RFWD3: variants seen among roughly 807,000 people sequenced by gnomAD.
The protein encoded by RFWD3 is ring finger and WD repeat domain 3.
Under a neutral mutation model 87.7 loss-of-function variants are expected in RFWD3, and 65 were observed. That is an observed-to-expected ratio of 0.74 (90% CI 0.61 to 0.91). The LOEUF (loss-of-function observed/expected upper bound fraction) is 0.91. RFWD3 is among the 40% of genes least tolerant of loss of function. RFWD3 has a pLI of 0.00. For missense variants in RFWD3, 1,078 were observed against 938.5 expected (o/e 1.15, Z -1.94); for synonymous variants, 433 against 352.8 (o/e 1.23, Z -2.55).
At chr16:74,656,227 C>A (rs2144307841) in intron 2 of RFWD3, among the ~76,000 whole-genome samples, 1 of 149,628 alleles carries the variant, frequency 6.7e-6, no homozygotes, top group South Asian at 2.1e-4. Context: ...ATCACCTGAG[C>A]CCGGGGAGGT....
At chr16:74,657,478 CT>C (rs386385075) in intron 2 of RFWD3, among the ~76,000 whole-genome samples, 47 of 122,658 alleles carry the variant, frequency 3.8e-4, no homozygotes, top group Admixed American at 2.9e-4. Context: ...TTTTCTTTTT[CT>C]TTTTTTTTTT....
In RFWD3 at chr16:74,657,090, G is replaced by T. The variant is rs542735356; in HGVS notation, c.518+3842C>A. ...CACACTCTGCATTGCTCAGAGTCAA[G>T]AGTAGTCTTGCAAATGGGGTTTTCC... On this transcript the variant is annotated intron_variant, in intron 2 of 12. Transcript: ENST00000361070. 3.9e-5 allele frequency among the ~76,000 whole-genome samples: 6 copies of T among 152,294 alleles called. No individual in the cohort carries two copies. The South Asian group carries it at 1.2e-3, about 32-fold the overall frequency.
chr16:74,661,804 A>G (rs1234020254), intron 1 of RFWD3, among the ~76,000 whole-genome samples: 2 of 152,222 alleles, frequency 1.3e-5, no homozygotes, highest in Admixed American at 1.3e-4. Flanking sequence ...GAATATGGAC[A>G]TTCACCAAAA....
chr16:74,641,099 A>T (rs184243826), intron 6 of RFWD3, among the ~76,000 whole-genome samples: 1 of 152,336 alleles, frequency 6.6e-6, no homozygotes, highest in African/African-American at 2.4e-5. Flanking sequence ...ACCTCTCTGC[A>T]GCATGGCTAA....
At chr16:74,653,319 A>T (rs377611366) in intron 2 of RFWD3, among the ~76,000 whole-genome samples, 1 of 152,100 alleles carries the variant, frequency 6.6e-6, no homozygotes, top group Non-Finnish European at 1.5e-5. Context: ...CCTGGGTATC[A>T]GAGTGAGACT....
intron 6 of RFWD3, among the ~76,000 whole-genome samples, chr16:74,643,073 G>C (rs1318094615): frequency 1.3e-5 from 2 of 152,098 alleles, no homozygotes; most frequent in African/African-American, 4.8e-5. Flanking sequence ...GCATTGGTTG[G>C]ACCAAATGAG....
At chr16:74,648,114 T>C (rs1031960685) in intron 4 of RFWD3, among the ~76,000 whole-genome samples, 2 of 152,154 alleles carry the variant, frequency 1.3e-5, no homozygotes, top group African/African-American at 4.8e-5. Context: ...CTGGCGAATG[T>C]GCTTAATAAT....
rs776744870 is a variant in RFWD3 at position 74,644,469 on chromosome 16, G to A, written c.988-16C>T. 3.7e-6 allele frequency: 6 copies of A among 1,613,982 alleles called. No individual in the cohort carries two copies. In the Admixed American group the frequency reaches 8.3e-5, roughly 22 times the overall value. ...TCTTGTTGCACTAAAGAACCCAATA[G>A]GACATAATTAGAGTGGTTCTAGGAA... On this transcript the variant is annotated splice_polypyrimidine_tract_variant and intron_variant, in intron 5 of 12. Coordinates refer to ENST00000361070, the MANE Select transcript of RFWD3 (RefSeq NM_018124.4).
At chr16:74,631,000 C>G in intron 9 of RFWD3, 43 bp from the exon 10 acceptor site, 1 of 1,507,808 alleles carries the variant, frequency 6.6e-7, no homozygotes, top group Non-Finnish European at 9.1e-7. Flanking sequence ...TTAAGAAAAT[C>G]AAATACATGA....
At position 74,621,604 on chromosome 16, in the gene RFWD3, A is replaced by C. The variant is rs1048470006; in HGVS notation, c.*2324T>G. Reference sequence around the variant, plus strand: ...TAGTGACAAAGGAATATGGTGGGGCAGAGACTGGTGGAGCCCAGAAGACTA... The same window carrying C: ...TAGTGACAAAGGAATATGGTGGGGCCGAGACTGGTGGAGCCCAGAAGACTA... On this transcript the variant is annotated 3_prime_UTR_variant, in exon 13 of 13. Coordinates refer to ENST00000361070, the MANE Select transcript of RFWD3 (RefSeq NM_018124.4). 2 of 152,186 alleles carry C rather than the reference A, an allele frequency of 1.3e-5. No individual in the cohort carries two copies. The highest frequency in any genetic ancestry group is 2.9e-5 in the Non-Finnish European group (2 of 68,034). 9.4% of individuals were successfully genotyped at this position (152,186 alleles called of 1,614,324 possible).
At chr16:74,665,577 C>CA (rs1366119292) in intron 1 of RFWD3, among the ~76,000 whole-genome samples, 3 of 150,872 alleles carry the variant, frequency 2.0e-5, no homozygotes, top group African/African-American at 7.3e-5. Context: ...GACTCTATCT[C>CA]AAAAAAAGAA....
chr16:74,647,590 CATT>C (rs977306963), intron 4 of RFWD3, among the ~76,000 whole-genome samples: 2 of 149,792 alleles, frequency 1.3e-5, no homozygotes, highest in African/African-American at 2.5e-5. Flanking sequence ...GCCCGGCCAA[CATT>C]ATTATTACTA....
chr16:74,623,421 AAGGTTCTAC>A lies in RFWD3; in HGVS notation c.*498_*506del, dbSNP rs1359626001. 1 of 152,826 alleles carries A rather than the reference AAGGTTCTAC, an allele frequency of 6.5e-6. No homozygotes were observed. The highest frequency in any genetic ancestry group is 2.4e-5 in the African/African-American group (1 of 41,458). The allele number at this position is 152,826 out of a possible 1,614,324, so 9.5% of individuals were successfully genotyped here. On this transcript the variant is annotated 3_prime_UTR_variant, in exon 13 of 13. Transcript: ENST00000361070. ...TCAAGGTCAGAAATAAACCGGACAC[AAGGTTCTAC>A]AGTGCCCTCTTGTGTTCAACTGAAT... is the stretch of plus-strand genomic sequence containing the variant.
chr16:74,628,515 CT>C lies in RFWD3; in HGVS notation c.1905del (p.Gly637AlafsTer3), dbSNP rs759746609. ...SHWPHVLPLE[P>X]GGCIDFQTEN... is the part of the protein sequence containing the mutation. Reference sequence around the variant, plus strand: ...TCTGTCTGAAAGTCTATGCAGCCCCCTGGCTCCAAGGGCAGCACATGAGGCC... The same window carrying C: ...TCTGTCTGAAAGTCTATGCAGCCCCCGGCTCCAAGGGCAGCACATGAGGCC... On this transcript the variant is annotated frameshift_variant, in exon 11 of 13. Coordinates refer to ENST00000361070, the MANE Select transcript of RFWD3 (RefSeq NM_018124.4). LOFTEE classifies it high-confidence loss of function. 1.2e-6 allele frequency: 2 copies of C among 1,614,182 alleles called. No homozygotes were observed. The highest frequency in any genetic ancestry group is 1.7e-6 in the Non-Finnish European group (2 of 1,180,032).
chr16:74,638,802 AATG>A (rs1346799446), intron 6 of RFWD3, among the ~76,000 whole-genome samples: 1 of 152,186 alleles, frequency 6.6e-6, no homozygotes, highest in Non-Finnish European at 1.5e-5. Flanking sequence ...TGTGCAGCTT[AATG>A]ATGTGGGCAT....
intron 1 of RFWD3, among the ~76,000 whole-genome samples, chr16:74,666,025 G>A (rs1364619751): frequency 6.6e-6 from 1 of 151,878 alleles, no homozygotes; most frequent in African/African-American, 2.4e-5. Context: ...CTTTATAACA[G>A]GAAAAAGGGA....
chr16:74,643,113 T>G (rs1453666165), intron 6 of RFWD3, among the ~76,000 whole-genome samples: 4 of 152,216 alleles, frequency 2.6e-5, no homozygotes, highest in Non-Finnish European at 5.9e-5. Context: ...TAAAATAATC[T>G]GTACAGTGAC....
intron 6 of RFWD3, among the ~76,000 whole-genome samples, chr16:74,642,652 C>T (rs4287593): frequency 0.73 from 111,392 of 151,892 alleles, 41,313 homozygotes; most frequent in African/African-American, 0.84. Context: ...CCACTACACA[C>T]GGATAATTTT....
In RFWD3 at chr16:74,661,035, G is replaced by C; in HGVS notation, c.415C>G (p.Pro139Ala). The C allele has an allele frequency of 6.2e-7, 1 of 1,614,172 alleles. No homozygotes were observed. Among genetic ancestry groups the C allele is most frequent in the Non-Finnish European group, 8.5e-7 (1 of 1,180,036 alleles). ...CCTACACTGTGGTTTGAAGATGAAGGTCTCAGGAATTCCAGCATGCCATGA... is the reference window on the plus strand; with the variant it reads ...CCTACACTGTGGTTTGAAGATGAAGCTCTCAGGAATTCCAGCATGCCATGA... ...RLHGMLEFLR[P>A]SSSNHSVGPM... The change falls in exon 2 of 13, where the codon CCT (proline) becomes GCT (alanine). Residue 139 changes from proline to alanine, a missense_variant. Coordinates refer to ENST00000361070, the MANE Select transcript of RFWD3 (RefSeq NM_018124.4).
Sources: gnomAD v4.1 joint callset for allele counts (sites outside exome capture counted in the v4.1 genomes callset) on GRCh38, gnomAD v4.1.1 for gene constraint, MANE v1.5 for transcripts, NCBI Gene and HGNC (gene_info 2026-07-23, HGNC 2026-07-21) for gene names.